The following SLC30A3 variants were observed in gnomAD, a reference collection of about 807,000 sequenced individuals.
SLC30A3 encodes probable proton-coupled zinc antiporter SLC30A3.
A neutral mutation model predicts 35.6 loss-of-function variants in SLC30A3; 20 were observed. That is an observed-to-expected ratio of 0.56 (90% CI 0.39 to 0.82). The LOEUF (loss-of-function observed/expected upper bound fraction) is 0.82, where lower values mean the gene tolerates loss of function less well. Among genes scored for constraint, SLC30A3 ranks in the 40% least tolerant of loss-of-function variants. SLC30A3 has a pLI of 0.00. For synonymous variants in SLC30A3, 217 were observed against 224.7 expected, an observed-to-expected ratio of 0.97 and a Z score of 0.31; for missense variants, 401 against 530.6, an observed-to-expected ratio of 0.76 and a Z score of 2.40.
rs1249017701 is a variant in SLC30A3, at chr2:27,256,488, G to A, written c.916C>T (p.Arg306Trp). 2.5e-6 allele frequency: 4 copies of A among 1,613,862 alleles called. No homozygotes were observed. The highest frequency in any genetic ancestry group is 1.3e-5 in the African/African-American group (1 of 74,870). ...TPRNVGFEPV[R>W]DTLLSVPGVR... ...CCTGGCACCGACAACAGCGTATCCC[G>A]CACAGGTTCGAACCCCACATTGCGG... The change falls in exon 7 of 8, where the codon CGG becomes TGG. Residue 306 changes from arginine (R) to tryptophan (W), a missense_variant. By Grantham distance (101) the Arg-to-Trp change is moderately radical (BLOSUM62 -3). This residue lies in a region of SLC30A3 where 296 missense variants were observed against 392.6 expected (regional missense o/e 0.75). Transcript: ENST00000233535.
chr2:27,273,840 G>T (rs1277319221), intron 1 of SLC30A3, among the ~76,000 whole-genome samples: 1 of 151,580 alleles, frequency 6.6e-6, no homozygotes, highest in Non-Finnish European at 1.5e-5. Flanking sequence ...GGGAAGAAAT[G>T]AGCTGGTTTG....
intron 1 of SLC30A3, among the ~76,000 whole-genome samples, chr2:27,268,837 T>C (rs1051067562): frequency 2.0e-4 from 30 of 152,180 alleles, no homozygotes; most frequent in Non-Finnish European, 4.3e-4. Context: ...TTTTGCATCC[T>C]GTGTGATGCT....
chr2:27,256,924 A>T lies in SLC30A3; in HGVS notation c.778-31T>A, dbSNP rs751104024. On this transcript the variant is annotated intron_variant, in intron 5 of 7. Transcript: ENST00000233535. ...GAGAAAGAGACCCCTAAGCCCAACA[A>T]CCAGGGACCTTTCAGAGGAAGATCT... 10 of 1,494,646 alleles carry T rather than the reference A, an allele frequency of 6.7e-6. No individual in the cohort carries two copies. In the Middle Eastern group the frequency reaches 6.9e-4, roughly 103 times the overall value. 92.6% of individuals were successfully genotyped at this position (1,494,646 alleles called of 1,614,324 possible).
At position 27,254,978 on chromosome 2, in the gene SLC30A3, G is replaced by C; in HGVS notation, c.*334C>G. 1 of 945,590 alleles carries C rather than the reference G, an allele frequency of 1.1e-6. No homozygotes were observed. The highest frequency in any genetic ancestry group is 1.4e-6 in the Non-Finnish European group (1 of 705,972). 58.6% of individuals were successfully genotyped at this position (945,590 alleles called of 1,614,324 possible). On this transcript the variant is annotated 3_prime_UTR_variant, in exon 8 of 8. Coordinates refer to ENST00000233535, the MANE Select transcript of SLC30A3 (RefSeq NM_003459.5). Reference sequence around the variant, plus strand: ...AGCCAGCCTGCCACACAGACAAATGGACTGCAGGGAAAGGATGTTCGTGGC... The same window carrying C: ...AGCCAGCCTGCCACACAGACAAATGCACTGCAGGGAAAGGATGTTCGTGGC...
upstream of SLC30A3, chr2:27,275,387 T>C (rs1054913752): frequency 1.9e-5 from 8 of 414,776 alleles, no homozygotes. Flanking sequence ...CCAGGGCCAA[T>C]GTGGCCTCCC....
In SLC30A3 at chr2:27,262,932, C is replaced by G; in HGVS notation, c.-26G>C. The G allele has an allele frequency of 2.0e-6, 3 of 1,528,662 alleles. No individual in the cohort carries two copies. The highest frequency in any genetic ancestry group is 2.6e-6 in the Non-Finnish European group (3 of 1,148,002). 94.7% of individuals were successfully genotyped at this position (1,528,662 alleles called of 1,614,324 possible). A position where few individuals can be genotyped will look rare whatever the true frequency, so the allele number is the denominator to read the frequency against. On this transcript the variant is annotated 5_prime_UTR_variant, in exon 1 of 8. Coordinates refer to ENST00000233535, the MANE Select transcript of SLC30A3 (RefSeq NM_003459.5). This position sits in a 1 kb window ranked among gnomAD's most constrained non-coding sequence, Gnocchi z 7.5. ...GTTCCCGGTGCCCCGACCGTCTAGG[C>G]CCCACCGAGGAAGAGAGAGGCCGGG...
At position 27,262,736 on chromosome 2, in the gene SLC30A3, C is replaced by T. The variant is rs996457238; in HGVS notation, c.95+76G>A. 8 of 1,373,908 alleles carry T rather than the reference C, an allele frequency of 5.8e-6. No homozygotes were observed. In the South Asian group the frequency reaches 7.9e-5, roughly 14 times the overall value. The allele number at this position is 1,373,908 out of a possible 1,614,324, so 85.1% of individuals were successfully genotyped here. A position where few individuals can be genotyped will look rare whatever the true frequency, so the allele number is the denominator to read the frequency against. ...CTGGGGCGGCCGCCGGGGCCCGCGCCGAGAGAGACAACGAAATGGACGGAG... is the reference window on the plus strand; with the variant it reads ...CTGGGGCGGCCGCCGGGGCCCGCGCTGAGAGAGACAACGAAATGGACGGAG... On this transcript the variant is annotated intron_variant, in intron 1 of 7. Transcript: ENST00000233535. This position sits in a 1 kb window ranked among gnomAD's most constrained non-coding sequence, Gnocchi z 7.5.
Position 27,258,455 on chromosome 2 carries a change from T to C in SLC30A3, c.278-148A>G. The stretch of plus-strand genomic sequence containing the variant: ...GGACTACAGGTATAATTAACTACTG[T>C]TATGTTATTTTTTTCATTCATCTGT... On this transcript the variant is annotated intron_variant, in intron 2 of 7. Transcript: ENST00000233535. This position sits in a 1 kb window ranked among gnomAD's most constrained non-coding sequence, Gnocchi z 4.0. 1 of 702,572 alleles carries C rather than the reference T, an allele frequency of 1.4e-6. No homozygotes were observed. The highest frequency in any genetic ancestry group is 2.3e-6 in the Non-Finnish European group (1 of 436,144). The allele number at this position is 702,572 out of a possible 1,614,324, so 43.5% of individuals were successfully genotyped here.
chr2:27,275,547 C>T (rs1238731835), upstream of SLC30A3: 3 of 320,274 alleles, frequency 9.4e-6, no homozygotes, highest in Non-Finnish European at 1.8e-5. Flanking sequence ...AAGAGAACGA[C>T]TCCCAGGTAA....
chr2:27,268,181 G>A (rs574273378), intron 1 of SLC30A3, among the ~76,000 whole-genome samples: 1 of 152,112 alleles, frequency 6.6e-6, no homozygotes, highest in Non-Finnish European at 1.5e-5. Context: ...GTACAGTACT[G>A]TACTGTACAT....
chr2:27,263,452 C>A, upstream of SLC30A3: 1 of 400,266 alleles, frequency 2.5e-6, no homozygotes. Context: ...CAGGAGCGGA[C>A]CCATTACCTA....
upstream of SLC30A3, among the ~76,000 whole-genome samples, chr2:27,267,732 C>T (rs570650714): frequency 3.6e-4 from 55 of 152,000 alleles, no homozygotes; most frequent in Admixed American, 5.9e-4. Context: ...GTCAGGAGTT[C>T]GAGACCAGCC....
chr2:27,264,258 T>G (rs1312344494), upstream of SLC30A3: 1 of 379,640 alleles, frequency 2.6e-6, no homozygotes, highest in East Asian at 7.4e-5. The surrounding 1 kb of genome is among the most constrained non-coding windows in gnomAD (Gnocchi z 6.1). Context: ...CAGAACACAC[T>G]GGGCGTCCTG....
rs1677002664 is a variant in SLC30A3, at chr2:27,258,564, C to T, written c.277+189G>A. ...TCAGCCCTGACCTACTGGCCCCGGA[C>T]CTCGGCTGGAATTCCCTTTGTTGCT... is the stretch of plus-strand genomic sequence containing the variant. On this transcript the variant is annotated intron_variant, in intron 2 of 7. Transcript: ENST00000233535. The surrounding 1 kb of genome is among the most constrained non-coding windows in gnomAD (Gnocchi z 4.0). 1.2e-5 allele frequency: 8 copies of T among 695,214 alleles called. No individual in the cohort carries two copies. The highest frequency in any genetic ancestry group is 1.4e-5 in the Non-Finnish European group (6 of 426,492). The allele number at this position is 695,214 out of a possible 1,614,324, so 43.1% of individuals were successfully genotyped here. A position where few individuals can be genotyped will look rare whatever the true frequency, so the allele number is the denominator to read the frequency against.
intron 5 of SLC30A3, 59 bp from the exon 6 acceptor site, chr2:27,256,952 G>T (rs548938554): frequency 1.8e-5 from 24 of 1,316,162 alleles, no homozygotes; most frequent in Non-Finnish European, 2.5e-5. Flanking sequence ...GAAGATCTAG[G>T]GGTATCTTGA....
At chr2:27,270,768 T>C (rs68043976) in intron 1 of SLC30A3, among the ~76,000 whole-genome samples, 18,221 of 152,014 alleles carry the variant, frequency 0.12, 3,150 homozygotes, top group African/African-American at 0.39. Flanking sequence ...TAGCTGAAAG[T>C]CTTCCACCTC....
chr2:27,260,453 G>A (rs1024751421), intron 1 of SLC30A3, among the ~76,000 whole-genome samples: 5 of 152,210 alleles, frequency 3.3e-5, no homozygotes, highest in Admixed American at 6.5e-5. Context: ...CAGAGGCTGA[G>A]TGAGGTCAGG....
chr2:27,266,880 G>A (rs1677520742), upstream of SLC30A3, among the ~76,000 whole-genome samples: 1 of 152,156 alleles, frequency 6.6e-6, no homozygotes, highest in Non-Finnish European at 1.5e-5. Flanking sequence ...CTGGATGACA[G>A]GTGAGATTCC....
rs1572480091 is a variant in SLC30A3 at position 27,262,198 on chromosome 2, C to G, written c.95+614G>C. On this transcript the variant is annotated intron_variant, in intron 1 of 7. Coordinates refer to ENST00000233535, the MANE Select transcript of SLC30A3 (RefSeq NM_003459.5). This position sits in a 1 kb window ranked among gnomAD's most constrained non-coding sequence, Gnocchi z 7.5. ...GCGCGCCTCATTTCACACCTCGCCG[C>G]CCCCGGCCCCGTCTGTGCGGAGCCG... The G allele has an allele frequency of 6.6e-6, 1 of 152,084 alleles. No homozygotes were observed. Among genetic ancestry groups the G allele is most frequent in the South Asian group, 2.1e-4 (1 of 4,832 alleles). 9.4% of individuals were successfully genotyped at this position (152,084 alleles called of 1,614,324 possible).
Sources: gnomAD v4.1 joint callset for allele counts (sites outside exome capture counted in the v4.1 genomes callset) on GRCh38, gnomAD v4.1.1 for gene constraint, gnomAD v4.1.1 regional missense constraint, Gnocchi (gnomAD v3.1) non-coding constraint, MANE v1.5 for transcripts, NCBI Gene and HGNC (gene_info 2026-07-23, HGNC 2026-07-21) for gene names.